Variants in MYCT1 observed in about 807,000 individuals in gnomAD.
The protein encoded by MYCT1 is myc target protein 1.
Under a neutral mutation model 15.0 loss-of-function variants are expected in MYCT1, and 12 were observed. The observed-to-expected ratio is 0.80, with a 90% confidence interval of 0.51 to 1.29. MYCT1 has a LOEUF of 1.29. Among genes scored for constraint, MYCT1 ranks in the 50% most tolerant of loss-of-function variants. The probability of loss-of-function intolerance (pLI) is 0.00; values close to 1 mark genes in which losing one functional copy is unlikely to be tolerated. For synonymous variants in MYCT1, 104 were observed against 102.7 expected (o/e 1.01, Z -0.07); for missense variants, 287 against 279.1 (o/e 1.03, Z -0.20).
chr6:152,733,391 C>T, the MYCT1 span, among the ~76,000 whole-genome samples: 2 of 152,230 alleles, frequency 1.3e-5, no homozygotes, highest in Non-Finnish European at 2.9e-5. Context: ...GCATAAGCCA[C>T]CATGCCTGGC....
intron 1 of MYCT1, among the ~76,000 whole-genome samples, chr6:152,705,168 T>C (rs925987421): frequency 3.3e-5 from 5 of 152,202 alleles, no homozygotes; most frequent in African/African-American, 1.2e-4. Flanking sequence ...AGGTTGAAAC[T>C]GTATTTACTA....
chr6:152,732,267 C>T, the MYCT1 span, among the ~76,000 whole-genome samples: 1 of 152,088 alleles, frequency 6.6e-6, no homozygotes, highest in African/African-American at 2.4e-5. Context: ...CTCGGCCTAA[C>T]AGATATTAAA....
At chr6:152,713,795 A>T (rs1263737677) in intron 1 of MYCT1, among the ~76,000 whole-genome samples, 1 of 151,996 alleles carries the variant, frequency 6.6e-6, no homozygotes, top group Non-Finnish European at 1.5e-5. Flanking sequence ...TCTTGTTTCC[A>T]CAATCTCTGT....
chr6:152,721,726 G>T lies in MYCT1; in HGVS notation c.197-16G>T. On this transcript the variant is annotated splice_polypyrimidine_tract_variant and intron_variant, in intron 1 of 1. Transcript: ENST00000367245. ...TATTTAAAAATTGATTTAGCAATTT[G>T]TTTTCTTTGTTTCAGAGGACCTTAT... 2 of 1,593,694 alleles carry T rather than the reference G, an allele frequency of 1.3e-6. No individual in the cohort carries two copies. The highest frequency in any genetic ancestry group is 1.7e-6 in the Non-Finnish European group (2 of 1,169,888).
At chr6:152,729,633 G>T in the MYCT1 span, among the ~76,000 whole-genome samples, 4 of 151,960 alleles carry the variant, frequency 2.6e-5, no homozygotes, top group African/African-American at 9.7e-5. Context: ...GAAATTGGCC[G>T]CAGTTAGAAA....
chr6:152,725,880 C>T (rs747836513), downstream of MYCT1, among the ~76,000 whole-genome samples: 48 of 151,890 alleles, frequency 3.2e-4, no homozygotes, highest in Non-Finnish European at 5.7e-4. Flanking sequence ...TGTGAGTAAC[C>T]GACCGAACTA....
rs2099724308 is a variant in MYCT1 at position 152,719,500 on chromosome 6, G to A, written c.197-2242G>A. On this transcript the variant is annotated intron_variant, in intron 1 of 1. Coordinates refer to ENST00000367245, the MANE Select transcript of MYCT1 (RefSeq NM_025107.3). Reference sequence around the variant, plus strand: ...CAACTATTAAATGGGAATAACGCTAGCATTTCCTTTATTGGGATGTTTGAG... The same window carrying A: ...CAACTATTAAATGGGAATAACGCTAACATTTCCTTTATTGGGATGTTTGAG... Among the ~76,000 whole-genome samples the A allele has an allele frequency of 2.6e-5, 4 of 152,166 alleles. No individual in the cohort carries two copies. The South Asian group carries it at 8.3e-4, about 32-fold the overall frequency.
chr6:152,699,757 A>G (rs1159818890), intron 1 of MYCT1, among the ~76,000 whole-genome samples: 1 of 152,170 alleles, frequency 6.6e-6, no homozygotes, highest in East Asian at 1.9e-4. Context: ...AAAAAAACAA[A>G]TCATTATTCA....
chr6:152,726,996 G>A (rs554383436), downstream of MYCT1, among the ~76,000 whole-genome samples: 1 of 149,578 alleles, frequency 6.7e-6, no homozygotes, highest in Non-Finnish European at 1.5e-5. Flanking sequence ...CACTTTGGGA[G>A]GGCTGGAGTT....
chr6:152,747,032 T>C, the MYCT1 span, among the ~76,000 whole-genome samples: 1,700 of 152,214 alleles, frequency 0.011, 11 homozygotes, highest in Middle Eastern at 0.021. Context: ...TTTATTGTAA[T>C]ATTATTTTCA....
At chr6:152,717,874 T>C (rs1252652854) in intron 1 of MYCT1, among the ~76,000 whole-genome samples, 1 of 152,176 alleles carries the variant, frequency 6.6e-6, no homozygotes, top group African/African-American at 2.4e-5. Flanking sequence ...TTTTGTAATT[T>C]GTATAATTTC....
intron 1 of MYCT1, among the ~76,000 whole-genome samples, chr6:152,706,336 A>G (rs1339653043): frequency 6.6e-6 from 1 of 152,142 alleles, no homozygotes; most frequent in African/African-American, 2.4e-5. Flanking sequence ...CCTACAGATA[A>G]TTTATTTTGT....
chr6:152,708,296 C>T (rs1000201962), intron 1 of MYCT1, among the ~76,000 whole-genome samples: 3 of 152,034 alleles, frequency 2.0e-5, no homozygotes, highest in East Asian at 1.9e-4. Flanking sequence ...AGTATATAAA[C>T]GTATTTTTAT....
intron 1 of MYCT1, among the ~76,000 whole-genome samples, chr6:152,714,059 A>G (rs768598476): frequency 1.3e-5 from 2 of 152,036 alleles, no homozygotes; most frequent in Non-Finnish European, 2.9e-5. Flanking sequence ...TCAGTTCATA[A>G]AAGCTGATTT....
the MYCT1 span, among the ~76,000 whole-genome samples, chr6:152,742,582 A>G: frequency 6.6e-6 from 1 of 152,188 alleles, no homozygotes; most frequent in East Asian, 1.9e-4. Flanking sequence ...TCACTTTAGC[A>G]GCATTATGGA....
chr6:152,728,750 G>T (rs575612882), downstream of MYCT1, among the ~76,000 whole-genome samples: 25 of 151,798 alleles, frequency 1.6e-4, no homozygotes, highest in African/African-American at 5.3e-4. Context: ...CAAAAAACTA[G>T]CCAGGCTTGT....
chr6:152,734,564 C>T, the MYCT1 span, among the ~76,000 whole-genome samples: 1 of 152,130 alleles, frequency 6.6e-6, no homozygotes, highest in Non-Finnish European at 1.5e-5. Flanking sequence ...CTCATTTGTC[C>T]TTTCTCTTTC....
chr6:152,708,457 T>A (rs1583968452), intron 1 of MYCT1, among the ~76,000 whole-genome samples: 1 of 151,918 alleles, frequency 6.6e-6, no homozygotes, highest in Admixed American at 6.6e-5. Context: ...GGTGGGAGGG[T>A]CATTTGAGCC....
chr6:152,736,374 G>GA, the MYCT1 span, among the ~76,000 whole-genome samples: 5 of 151,850 alleles, frequency 3.3e-5, no homozygotes, highest in Non-Finnish European at 5.9e-5. Flanking sequence ...CATCATGACA[G>GA]AAAAAAAATC....
Sources: gnomAD v4.1 joint callset for allele counts (sites outside exome capture counted in the v4.1 genomes callset) on GRCh38, gnomAD v4.1.1 for gene constraint, MANE v1.5 for transcripts, NCBI Gene and HGNC (gene_info 2026-07-23, HGNC 2026-07-21) for gene names.